Variants in PACS1 observed in about 807,000 individuals in gnomAD.
PACS1 encodes phosphofurin acidic cluster sorting protein 1.
Under a neutral mutation model 115.0 loss-of-function variants are expected in PACS1, and 24 were observed. The ratio of observed to expected loss-of-function variants is 0.21; its 90% CI spans 0.15 to 0.29. PACS1 has a LOEUF of 0.29. PACS1 is among the 10% of genes least tolerant of loss of function. PACS1 has a pLI of 1.00. For synonymous variants in PACS1, 453 were observed against 504.5 expected (o/e 0.90, Z 1.37); for missense variants, 838 against 1,251.2 (o/e 0.67, Z 4.98).
Position 66,070,973 on chromosome 11 carries a change from C to G in PACS1, c.356+131C>G. On this transcript the variant is annotated intron_variant, in intron 1 of 23. Coordinates refer to ENST00000320580, the MANE Select transcript of PACS1 (RefSeq NM_018026.4). This position sits in a 1 kb window ranked among gnomAD's most constrained non-coding sequence, Gnocchi z 5.9. ...ACTGTCCCGCGGCCCGGCCTGGCTC[C>G]AGCCAGGCCTCCCGGGACTCCTGCC... 3.1e-6 allele frequency: 3 copies of G among 957,694 alleles called. No individual in the cohort carries two copies. The highest frequency in any genetic ancestry group is 4.2e-6 in the Non-Finnish European group (3 of 710,942). The allele number at this position is 957,694 out of a possible 1,614,324, so 59.3% of individuals were successfully genotyped here.
At chr11:66,155,546 G>A (rs530147300) in intron 1 of PACS1, among the ~76,000 whole-genome samples, 16 of 152,152 alleles carry the variant, frequency 1.1e-4, no homozygotes, top group African/African-American at 2.7e-4. Flanking sequence ...ATGAACTACC[G>A]CTCTTTACCC....
chr11:66,226,227 G>A (rs1855468499), intron 10 of PACS1, among the ~76,000 whole-genome samples: 1 of 152,170 alleles, frequency 6.6e-6, no homozygotes, highest in African/African-American at 2.4e-5. Flanking sequence ...GTGTAAATGA[G>A]CTAGCTCTGC....
At chr11:66,232,415 G>GAGCCCAGAACTC (rs1224714807) in intron 14 of PACS1, 139 bp downstream of exon 14, 1 of 591,516 alleles carries the variant, frequency 1.7e-6, no homozygotes. Flanking sequence ...GCTCTGAACT[G>GAGCCCAGAACTC]AGCCCAGAAC....
At position 66,243,476 on chromosome 11, in the gene PACS1, CCCT is replaced by C; in HGVS notation, c.*203_*205del. The C allele has an allele frequency of 1.7e-6, 1 of 589,706 alleles. No individual in the cohort carries two copies. The allele number at this position is 589,706 out of a possible 1,614,324, so 36.5% of individuals were successfully genotyped here. A position where few individuals can be genotyped will look rare whatever the true frequency, so the allele number is the denominator to read the frequency against. On this transcript the variant is annotated 3_prime_UTR_variant, in exon 24 of 24. Transcript: ENST00000320580. ...CCCCTCCAGCCCACCCCTGCACAGCCCCTCCTCCTTCCCGCTTTTCCCCTTCTC... is the reference window on the plus strand; with the variant it reads ...CCCCTCCAGCCCACCCCTGCACAGCCCCTCCTTCCCGCTTTTCCCCTTCTC...
At chr11:66,095,969 C>G (rs913375582) in intron 1 of PACS1, among the ~76,000 whole-genome samples, 25 of 151,460 alleles carry the variant, frequency 1.7e-4, no homozygotes, top group Admixed American at 1.6e-3. Flanking sequence ...GAGTCTCACT[C>G]TGTTGCCCAG....
At chr11:66,181,293 C>T (rs1005465276) in intron 1 of PACS1, among the ~76,000 whole-genome samples, 3 of 151,666 alleles carry the variant, frequency 2.0e-5, no homozygotes, top group Non-Finnish European at 2.9e-5. Context: ...CTCACTGCAA[C>T]CTCCACCTCC....
intron 9 of PACS1, 26 bp from the exon 10 acceptor site, chr11:66,221,128 G>C (rs1477886312): frequency 6.2e-7 from 1 of 1,605,462 alleles, no homozygotes; most frequent in Admixed American, 1.7e-5. Flanking sequence ...TGGCAGCACT[G>C]ACCCTGGCTG....
intron 1 of PACS1, among the ~76,000 whole-genome samples, chr11:66,171,304 A>G (rs1859731957): frequency 6.6e-6 from 1 of 150,430 alleles, no homozygotes; most frequent in Non-Finnish European, 1.5e-5. Context: ...TATCTGGTAT[A>G]ACTTTCTAGT....
At chr11:66,131,144 G>A (rs1214222131) in intron 1 of PACS1, among the ~76,000 whole-genome samples, 1 of 152,156 alleles carries the variant, frequency 6.6e-6, no homozygotes, top group South Asian at 2.1e-4. Flanking sequence ...TTGTACAAGA[G>A]TTTCTCTGGC....
intron 14 of PACS1, 146 bp downstream of exon 14, chr11:66,232,422 G>A (rs1855616180): frequency 1.7e-6 from 1 of 580,054 alleles, no homozygotes; most frequent in South Asian, 2.1e-5. Flanking sequence ...ACTGAGCCCA[G>A]AACTCTGAGT....
intron 1 of PACS1, among the ~76,000 whole-genome samples, chr11:66,186,485 C>T (rs1052655534): frequency 3.5e-4 from 53 of 152,188 alleles, no homozygotes; most frequent in African/African-American, 1.3e-3. Flanking sequence ...CCCCGCTCTC[C>T]TCTGCCTCTT....
chr11:66,230,811 G>A lies in PACS1; in HGVS notation c.1497G>A (p.Val499=). ...TTTTCCACCTCCCTGGCAGCAAAGT[G>A]GAGGGGGTGCACACACCCCGGCAGA... ...DLQGSASPSK[V]EGVHTPRQKR... is the part of the protein sequence containing the mutation. Residue 499 remains valine, a synonymous_variant, in exon 13 of 24, where the codon GTG becomes GTA. Transcript: ENST00000320580. 1 of 1,614,174 alleles carries A rather than the reference G, an allele frequency of 6.2e-7. No individual in the cohort carries two copies. The highest frequency in any genetic ancestry group is 8.5e-7 in the Non-Finnish European group (1 of 1,179,992).
intron 1 of PACS1, among the ~76,000 whole-genome samples, chr11:66,092,995 G>C (rs1857695187): frequency 1.3e-5 from 2 of 152,136 alleles, no homozygotes; most frequent in African/African-American, 4.8e-5. Flanking sequence ...ACTTGGTGAT[G>C]CGGGCCCTTT....
At chr11:66,090,290 T>TC (rs547190284) in intron 1 of PACS1, among the ~76,000 whole-genome samples, 1 of 148,176 alleles carries the variant, frequency 6.7e-6, no homozygotes, top group South Asian at 2.2e-4. Context: ...TTTTTTTTTT[T>TC]CAGATAGGGT....
Position 66,087,903 on chromosome 11 carries a change from G to GT in PACS1, c.356+17070dup, listed in dbSNP as rs561346699. On this transcript the variant is annotated intron_variant, in intron 1 of 23. Transcript: ENST00000320580. ...CATCTCCACCAACAATTGTTTTTTG[G>GT]TTTTTTTTTGCCTTTTTCAAGGCAA... 2.1e-3 allele frequency among the ~76,000 whole-genome samples: 313 copies of GT among 150,004 alleles called. 2 individuals are homozygous for GT. Among genetic ancestry groups the GT allele is most frequent in the South Asian group, 2.6e-3 (12 of 4,704 alleles).
chr11:66,150,479 AAAAG>A (rs1483453298), intron 1 of PACS1, among the ~76,000 whole-genome samples: 16 of 152,030 alleles, frequency 1.1e-4, no homozygotes, highest in South Asian at 4.2e-4. Flanking sequence ...ATAGAAAAAA[AAAAG>A]AAACATTTTA....
In PACS1 at chr11:66,216,620, C is replaced by G. The variant is rs184374266; in HGVS notation, c.897+9C>G. ...ATCCATTGCATGGGCAGGTAACTTT[C>G]TGTGGTCCCTCACATGGCGTGTCCA... On this transcript the variant is annotated intron_variant, in intron 6 of 23. Coordinates refer to ENST00000320580, the MANE Select transcript of PACS1 (RefSeq NM_018026.4). 690 of 1,612,616 alleles carry G rather than the reference C, an allele frequency of 4.3e-4. 3 individuals are homozygous for G. In the African/African-American group the frequency reaches 8.4e-3, roughly 20 times the overall value.
chr11:66,218,298 G>A (rs1339560373), intron 7 of PACS1: 1 of 152,184 alleles, frequency 6.6e-6, no homozygotes, highest in African/African-American at 2.4e-5. Context: ...CACAGGCTAA[G>A]CATCGTGCCC....
chr11:66,160,722 T>C (rs801737), intron 1 of PACS1, among the ~76,000 whole-genome samples: 65,029 of 146,486 alleles, frequency 0.44, 14,811 homozygotes, highest in Non-Finnish European at 0.48. Context: ...CGTCTCACTA[T>C]GTTTCCCAGG....
Sources: allele counts gnomAD v4.1 joint callset (sites outside exome capture counted in the v4.1 genomes callset), GRCh38; gene constraint gnomAD v4.1.1; non-coding constraint Gnocchi (gnomAD v3.1); transcripts MANE v1.5; gene names NCBI Gene and HGNC (gene_info 2026-07-23, HGNC 2026-07-21).